Variants in TBL1XR1 observed in about 807,000 individuals in gnomAD.
TBL1XR1 encodes the protein TBL1X/Y related 1.
TBL1XR1 carries 5 observed loss-of-function variants against 66.9 expected under a neutral mutation model. The observed-to-expected ratio is 0.07, with a 90% confidence interval of 0.04 to 0.16. The LOEUF (loss-of-function observed/expected upper bound fraction) is 0.16. Ranked by LOEUF, TBL1XR1 falls within the 10% of genes least tolerant of loss-of-function variation. TBL1XR1 has a pLI of 1.00. For synonymous variants in TBL1XR1, 210 were observed against 206.0 expected (o/e 1.02, Z -0.17); for missense variants, 238 against 623.2 (o/e 0.38, Z 6.58).
intron 1 of TBL1XR1, among the ~76,000 whole-genome samples, chr3:177,129,949 A>C (rs1285280992): frequency 6.6e-6 from 1 of 152,106 alleles, no homozygotes; most frequent in Non-Finnish European, 1.5e-5. Flanking sequence ...GTTTAAGACC[A>C]GCCTGGCCAA....
rs569850013 is a variant in TBL1XR1 at position 177,116,672 on chromosome 3, A to C, written c.-121-18131T>G. On this transcript the variant is annotated intron_variant, in intron 1 of 15. Transcript: ENST00000457928. ...ACTGTTACTCTACCTTCCACTGAGA[A>C]TCAAACAACAAGCTGGTTATTTAAC... is the stretch of plus-strand genomic sequence containing the variant. Among the ~76,000 whole-genome samples, 5 of 152,322 alleles carry C rather than the reference A, an allele frequency of 3.3e-5. No individual in the cohort carries two copies. In the South Asian group the frequency reaches 1.0e-3, roughly 32 times the overall value.
intron 1 of TBL1XR1, among the ~76,000 whole-genome samples, chr3:177,150,916 C>T (rs940052623): frequency 1.2e-4 from 18 of 152,182 alleles, no homozygotes; most frequent in African/African-American, 2.4e-4. Context: ...AATCTGAGAT[C>T]GGACCTCACT....
At chr3:177,115,406 A>G (rs1323999909) in intron 1 of TBL1XR1, among the ~76,000 whole-genome samples, 1 of 152,186 alleles carries the variant, frequency 6.6e-6, no homozygotes, top group Admixed American at 6.5e-5. Context: ...AGTTTACCAA[A>G]AAGTCTTGGA....
At chr3:177,057,561 T>C (rs1471712411) in intron 3 of TBL1XR1, among the ~76,000 whole-genome samples, 1 of 152,236 alleles carries the variant, frequency 6.6e-6, no homozygotes, top group African/African-American at 2.4e-5. Context: ...AAGTCTTCCT[T>C]GGAAAAATCT....
intron 1 of TBL1XR1, among the ~76,000 whole-genome samples, chr3:177,187,765 G>C (rs1296942740): frequency 1.3e-5 from 2 of 151,512 alleles, no homozygotes; most frequent in African/African-American, 4.8e-5. Flanking sequence ...AAGGTTATCA[G>C]GAAAAAAAGC....
At chr3:177,128,280 C>T (rs1183995175) in intron 1 of TBL1XR1, among the ~76,000 whole-genome samples, 5 of 152,072 alleles carry the variant, frequency 3.3e-5, no homozygotes, top group Admixed American at 6.5e-5. Context: ...ACATTAGAAC[C>T]GATGTGAACT....
chr3:177,100,935 A>G (rs1007754218), intron 1 of TBL1XR1, among the ~76,000 whole-genome samples: 4 of 151,088 alleles, frequency 2.6e-5, no homozygotes, highest in African/African-American at 9.8e-5. Context: ...AGCTCACCAC[A>G]ACCTCCACCT....
chr3:177,156,307 G>A (rs1464901311), intron 1 of TBL1XR1, among the ~76,000 whole-genome samples: 12 of 151,398 alleles, frequency 7.9e-5, no homozygotes, highest in Non-Finnish European at 1.8e-4. Context: ...AGACCAGCCT[G>A]GCCAACATGG....
chr3:177,185,444 A>C (rs1735288894), intron 1 of TBL1XR1, among the ~76,000 whole-genome samples: 1 of 152,020 alleles, frequency 6.6e-6, no homozygotes, highest in African/African-American at 2.4e-5. Context: ...CCCCATTTCT[A>C]CTTAAGTACA....
At chr3:177,107,605 G>T (rs367931169) in intron 1 of TBL1XR1, among the ~76,000 whole-genome samples, 1 of 152,100 alleles carries the variant, frequency 6.6e-6, no homozygotes, top group African/African-American at 2.4e-5. Context: ...AACTTAAAAT[G>T]ATACATTCGA....
At chr3:177,054,382 C>T (rs1717541017) in intron 3 of TBL1XR1, among the ~76,000 whole-genome samples, 1 of 152,030 alleles carries the variant, frequency 6.6e-6, no homozygotes, top group South Asian at 2.1e-4. Flanking sequence ...AATTTTCTTT[C>T]ATCCCAGCCC....
chr3:177,101,195 G>A (rs1157880744), intron 1 of TBL1XR1, among the ~76,000 whole-genome samples: 1 of 152,078 alleles, frequency 6.6e-6, no homozygotes, highest in African/African-American at 2.4e-5. Flanking sequence ...TTTGTTAAAT[G>A]ATTAGATCAT....
At chr3:177,054,385 C>T (rs547121558) in intron 3 of TBL1XR1, among the ~76,000 whole-genome samples, 1 of 152,090 alleles carries the variant, frequency 6.6e-6, no homozygotes, top group East Asian at 1.9e-4. Flanking sequence ...TTTCTTTCAT[C>T]CCAGCCCAGT....
chr3:177,141,018 T>C (rs1434787990), intron 1 of TBL1XR1, among the ~76,000 whole-genome samples: 1 of 152,172 alleles, frequency 6.6e-6, no homozygotes, highest in Non-Finnish European at 1.5e-5. Flanking sequence ...CTCTAATCCT[T>C]ATCTTGTAAA....
At chr3:177,164,802 C>T (rs761330683) in intron 1 of TBL1XR1, among the ~76,000 whole-genome samples, 1 of 152,176 alleles carries the variant, frequency 6.6e-6, no homozygotes, top group Non-Finnish European at 1.5e-5. Context: ...ATTTCAATGA[C>T]ATTTTTCACA....
intron 2 of TBL1XR1, among the ~76,000 whole-genome samples, chr3:177,098,254 T>C (rs943873135): frequency 6.6e-6 from 1 of 151,836 alleles, no homozygotes; most frequent in African/African-American, 2.4e-5. Flanking sequence ...TTTTCAAAAG[T>C]AGCAATTTTT....
chr3:177,189,089 T>C (rs1424105222), intron 1 of TBL1XR1, among the ~76,000 whole-genome samples: 4 of 151,684 alleles, frequency 2.6e-5, no homozygotes, highest in Admixed American at 1.3e-4. Flanking sequence ...GTTCCTGTAG[T>C]CCCAGCTACT....
intron 12 of TBL1XR1, 52 bp from the exon 13 acceptor site, chr3:177,034,377 TTTAAAATATTATTTTGACAC>T (rs1156693854): frequency 7.7e-7 from 1 of 1,306,412 alleles, no homozygotes; most frequent in Non-Finnish European, 1.0e-6. Flanking sequence ...AATGAGTATA[TTTAAAATATTATTTTGACAC>T]TTAAAATATT....
rs7616373 is a variant in TBL1XR1 at position 177,025,034 on chromosome 3, G to A, written c.*464C>T. ...AACCAAAAACGAAATTTTAAAGCAA[G>A]AACAAACTACTGCTGCAAGTTTTTG... is the stretch of plus-strand genomic sequence containing the variant. On this transcript the variant is annotated 3_prime_UTR_variant, in exon 16 of 16. Coordinates refer to ENST00000457928, the MANE Select transcript of TBL1XR1 (RefSeq NM_024665.7). 2,926 of 157,604 alleles carry A rather than the reference G, an allele frequency of 0.019. 101 individuals are homozygous for A. Among genetic ancestry groups the A allele is most frequent in the African/African-American group, 0.067 (2,786 of 41,712 alleles). The allele number at this position is 157,604 out of a possible 1,614,324, so 9.8% of individuals were successfully genotyped here.
Sources: gnomAD v4.1 joint callset for allele counts (sites outside exome capture counted in the v4.1 genomes callset) on GRCh38, gnomAD v4.1.1 for gene constraint, MANE v1.5 for transcripts, NCBI Gene and HGNC (gene_info 2026-07-23, HGNC 2026-07-21) for gene names.